THRB: variants seen among roughly 807,000 people sequenced by gnomAD.
The protein encoded by THRB is thyroid hormone receptor beta.
THRB carries 12 observed loss-of-function variants against 47.8 expected under a neutral mutation model. The ratio of observed to expected loss-of-function variants is 0.25; its 90% CI spans 0.16 to 0.41. The LOEUF is 0.41. Among genes scored for constraint, THRB ranks in the 10% least tolerant of loss-of-function variants. The pLI, the probability that THRB is intolerant of heterozygous loss-of-function variation, is 1.00. For missense variants in THRB, 348 were observed against 589.2 expected, an observed-to-expected ratio of 0.59 and a Z score of 4.24; for synonymous variants, 218 against 212.2, an observed-to-expected ratio of 1.03 and a Z score of -0.24.
chr3:24,318,837 T>C (rs552556464), intron 2 of THRB, among the ~76,000 whole-genome samples: 1 of 152,202 alleles, frequency 6.6e-6, no homozygotes, highest in Non-Finnish European at 1.5e-5. Context: ...AATTTTCACA[T>C]CTGACTAGGC....
At chr3:24,360,507 C>T (rs1238328002) in intron 1 of THRB, among the ~76,000 whole-genome samples, 1 of 152,138 alleles carries the variant, frequency 6.6e-6, no homozygotes, top group East Asian at 1.9e-4. Context: ...TCAAACATTC[C>T]TGCACACTGG....
intron 5 of THRB, among the ~76,000 whole-genome samples, chr3:24,185,246 C>T (rs1017115711): frequency 3.3e-5 from 5 of 152,074 alleles, no homozygotes; most frequent in African/African-American, 1.2e-4. Context: ...TATTTAATGA[C>T]ATGGGAAAAT....
intron 1 of THRB, among the ~76,000 whole-genome samples, chr3:24,417,046 A>G (rs914429216): frequency 7.2e-5 from 11 of 151,780 alleles, no homozygotes; most frequent in Non-Finnish European, 1.5e-4. Context: ...TTAAATATAT[A>G]TTTCATTTAT....
rs1264886102 is a variant in THRB, at chr3:24,194,781, GA to G, written c.23-4448del. On this transcript the variant is annotated intron_variant, in intron 4 of 10. Coordinates refer to ENST00000646209, the MANE Select transcript of THRB (RefSeq NM_001354712.2). ...ATAAATCTGTCCATCAAAGAAGGGA[GA>G]ATTAGATTAAAATATTCAAGTATTT... Among the ~76,000 whole-genome samples, 8 of 152,280 alleles carry G rather than the reference GA, an allele frequency of 5.3e-5. No homozygotes were observed. The East Asian group carries it at 1.5e-3, about 29-fold the overall frequency.
intron 1 of THRB, among the ~76,000 whole-genome samples, chr3:24,464,203 G>A (rs1227046945): frequency 2.0e-5 from 3 of 148,124 alleles, no homozygotes; most frequent in African/African-American, 5.0e-5. Flanking sequence ...CCGAGATCGC[G>A]CCACTGCACT....
chr3:24,409,867 A>T (rs767843666), intron 1 of THRB, among the ~76,000 whole-genome samples: 2 of 151,836 alleles, frequency 1.3e-5, no homozygotes, highest in Admixed American at 6.6e-5. Flanking sequence ...GTCCATGGAA[A>T]TATCTGTAGA....
At chr3:24,238,041 GCTGT>G (rs1467199395) in intron 3 of THRB, 1 of 152,052 alleles carries the variant, frequency 6.6e-6, no homozygotes, top group African/African-American at 2.4e-5. Context: ...TTTCCTTATG[GCTGT>G]CTTTCTCTAC....
chr3:24,188,932 G>A (rs1021645731), intron 5 of THRB, among the ~76,000 whole-genome samples: 5 of 137,678 alleles, frequency 3.6e-5, no homozygotes, highest in African/African-American at 1.5e-4. Flanking sequence ...GACATGTATA[G>A]TTTTGACTGC....
intron 2 of THRB, among the ~76,000 whole-genome samples, chr3:24,301,538 C>A (rs2056943553): frequency 6.6e-6 from 1 of 151,694 alleles, no homozygotes; most frequent in African/African-American, 2.4e-5. Flanking sequence ...TTTGGTCATG[C>A]AATTAAAAAA....
intron 2 of THRB, among the ~76,000 whole-genome samples, chr3:24,331,680 G>GGTGT (rs35142390): frequency 0.026 from 3,829 of 150,154 alleles, 151 homozygotes; most frequent in African/African-American, 0.086. Context: ...CTCCGTGTAT[G>GGTGT]GTGTGTGTGT....
intron 2 of THRB, among the ~76,000 whole-genome samples, chr3:24,314,462 G>C (rs1247440975): frequency 1.3e-5 from 2 of 152,128 alleles, no homozygotes; most frequent in East Asian, 3.8e-4. Context: ...TGAGATCCCT[G>C]CTATTATGTG....
intron 3 of THRB, among the ~76,000 whole-genome samples, chr3:24,235,724 G>A (rs1275822494): frequency 6.6e-6 from 1 of 152,050 alleles, no homozygotes; most frequent in Admixed American, 6.5e-5. Context: ...CATTAAAACT[G>A]GGAAGGCCTT....
At chr3:24,393,792 T>C (rs1577287947) in intron 1 of THRB, among the ~76,000 whole-genome samples, 1 of 152,228 alleles carries the variant, frequency 6.6e-6, no homozygotes, top group Non-Finnish European at 1.5e-5. Flanking sequence ...TACAACCACT[T>C]AAGGAACAGA....
At chr3:24,210,710 C>A (rs1001624755) in intron 4 of THRB, among the ~76,000 whole-genome samples, 12 of 152,134 alleles carry the variant, frequency 7.9e-5, no homozygotes, top group Admixed American at 7.9e-4. Flanking sequence ...CTGTTATCTC[C>A]TTTCTACCAG....
chr3:24,214,934 G>A (rs557283543), intron 4 of THRB, among the ~76,000 whole-genome samples: 239 of 152,256 alleles, frequency 1.6e-3, no homozygotes, highest in Non-Finnish European at 2.7e-3. Context: ...ATCCTTCATA[G>A]ACATAAATAT....
At chr3:24,449,792 GTAA>G (rs1450265715) in intron 1 of THRB, among the ~76,000 whole-genome samples, 6 of 152,064 alleles carry the variant, frequency 3.9e-5, no homozygotes, top group Non-Finnish European at 7.4e-5. Context: ...GTAATAACTT[GTAA>G]TAATGGGAAA....
upstream of THRB, chr3:24,495,643 G>T (rs891143240): frequency 4.6e-5 from 7 of 152,338 alleles, no homozygotes; most frequent in Non-Finnish European, 7.3e-5. Context: ...AAAGAATGGG[G>T]AACGAGTGAC....
intron 4 of THRB, among the ~76,000 whole-genome samples, chr3:24,199,260 G>A (rs982398828): frequency 4.6e-5 from 7 of 152,122 alleles, no homozygotes; most frequent in African/African-American, 1.2e-4. Context: ...ACTTTTGTCC[G>A]GTTACATAAA....
chr3:24,287,751 G>C (rs1164560471), intron 3 of THRB, among the ~76,000 whole-genome samples: 7 of 152,178 alleles, frequency 4.6e-5, no homozygotes, highest in Non-Finnish European at 8.8e-5. Context: ...GGCAGAACCT[G>C]ATGTTGCATT....
Sources: allele counts gnomAD v4.1 joint callset (sites outside exome capture counted in the v4.1 genomes callset), GRCh38; gene constraint gnomAD v4.1.1; transcripts MANE v1.5; gene names NCBI Gene and HGNC (gene_info 2026-07-23, HGNC 2026-07-21).